DLGAP2: variants seen among roughly 807,000 people sequenced by gnomAD.
The protein encoded by DLGAP2 is DLG associated protein 2, also known as disks large-associated protein 2.
In DLGAP2, 26 loss-of-function variants were observed where a neutral mutation model predicts 100.3. The observed-to-expected ratio is 0.26, with a 90% CI of 0.19 to 0.36. The LOEUF (loss-of-function observed/expected upper bound fraction) is 0.36. Among genes scored for constraint, DLGAP2 ranks in the 10% least tolerant of loss-of-function variants. DLGAP2 has a pLI of 1.00. For synonymous variants in DLGAP2, 886 were observed against 630.1 expected, an observed-to-expected ratio of 1.41 and a Z score of -6.08; for missense variants, 1,858 against 1,453.2, an observed-to-expected ratio of 1.28 and a Z score of -4.53.
chr8:1,186,577 C>G (rs976539428), intron 2 of DLGAP2, among the ~76,000 whole-genome samples: 2 of 152,144 alleles, frequency 1.3e-5, no homozygotes, highest in Non-Finnish European at 2.9e-5. Flanking sequence ...CGGCCATTCC[C>G]TTTTTGTCAT....
intron 3 of DLGAP2, among the ~76,000 whole-genome samples, chr8:1,373,210 G>A (rs536239047): frequency 1.5e-4 from 23 of 152,288 alleles, no homozygotes; most frequent in African/African-American, 5.1e-4. Flanking sequence ...GAGTGACTGC[G>A]CAGCAAGACT....
At chr8:821,757 T>G (rs1796586894) in intron 1 of DLGAP2, among the ~76,000 whole-genome samples, 1 of 152,226 alleles carries the variant, frequency 6.6e-6, no homozygotes. Context: ...TAAAGTATGG[T>G]TTTATTATTT....
chr8:1,091,148 C>T (rs1804167160), intron 2 of DLGAP2, among the ~76,000 whole-genome samples: 1 of 152,156 alleles, frequency 6.6e-6, no homozygotes, highest in African/African-American at 2.4e-5. Context: ...CACAGCCCAC[C>T]CCGGTTCTCT....
In DLGAP2 at chr8:1,415,003, C is replaced by T. The variant is rs7844229; in HGVS notation, c.107-86363C>T. Among the ~76,000 whole-genome samples, 608 of 151,694 alleles carry T rather than the reference C, an allele frequency of 4.0e-3. 3 individuals are homozygous for T. The highest frequency in any genetic ancestry group is 0.014 in the African/African-American group (579 of 41,202). ...GAGCCTGGGCAACAGAGCAAGACTCCGTCTCAAAAGAAAAAAAAAGAAGAA... is the reference window on the plus strand; with the variant it reads ...GAGCCTGGGCAACAGAGCAAGACTCTGTCTCAAAAGAAAAAAAAAGAAGAA... On this transcript the variant is annotated intron_variant, in intron 3 of 14. Coordinates refer to ENST00000637795, the MANE Select transcript of DLGAP2 (RefSeq NM_001346810.2).
intron 2 of DLGAP2, among the ~76,000 whole-genome samples, chr8:975,763 G>C (rs1800146270): frequency 6.6e-6 from 1 of 152,214 alleles, no homozygotes; most frequent in Admixed American, 6.5e-5. Context: ...AAAAAACCCT[G>C]TAGCTAAACT....
chr8:1,334,766 G>A (rs1364349687), intron 3 of DLGAP2, among the ~76,000 whole-genome samples: 1 of 152,160 alleles, frequency 6.6e-6, no homozygotes, highest in Non-Finnish European at 1.5e-5. Context: ...CCACCGAGAA[G>A]CCATAATGTA....
chr8:1,066,391 T>C (rs1803252686), intron 2 of DLGAP2, among the ~76,000 whole-genome samples: 1 of 147,604 alleles, frequency 6.8e-6, no homozygotes, highest in Non-Finnish European at 1.5e-5. Flanking sequence ...CAGGATCAGG[T>C]CTGAGTGAGG....
At chr8:1,594,766 C>T (rs988039443) in intron 6 of DLGAP2, among the ~76,000 whole-genome samples, 5 of 152,262 alleles carry the variant, frequency 3.3e-5, no homozygotes, top group Admixed American at 2.6e-4. Flanking sequence ...TAGAGTTTAA[C>T]TGCCAAAAAT....
At chr8:1,250,853 C>A (rs983205597) in intron 2 of DLGAP2, among the ~76,000 whole-genome samples, 8 of 152,192 alleles carry the variant, frequency 5.3e-5, no homozygotes, top group African/African-American at 1.4e-4. Context: ...CAGTCAGGCG[C>A]CAGGTAACGA....
intron 2 of DLGAP2, among the ~76,000 whole-genome samples, chr8:1,171,596 C>T (rs12677443): frequency 1.3e-5 from 2 of 151,964 alleles, no homozygotes; most frequent in South Asian, 4.1e-4. Flanking sequence ...ATTTAGGATA[C>T]TTAGCTCTTC....
chr8:960,181 A>G (rs533512697), intron 2 of DLGAP2, among the ~76,000 whole-genome samples: 1 of 138,920 alleles, frequency 7.2e-6, no homozygotes, highest in Admixed American at 7.2e-5. Flanking sequence ...AGAAGTGCAT[A>G]TAGTCATCTT....
At chr8:912,906 G>A (rs1019813537) in intron 2 of DLGAP2, among the ~76,000 whole-genome samples, 2 of 152,202 alleles carry the variant, frequency 1.3e-5, no homozygotes, top group African/African-American at 4.8e-5. Context: ...GCACTGTGGT[G>A]CCCGCCTTCC....
In DLGAP2 at chr8:881,676, C is replaced by CACAG. The variant is rs1797799672; in HGVS notation, c.19-26233_19-26232insGACA. On this transcript the variant is annotated intron_variant, in intron 1 of 14. Coordinates refer to ENST00000637795, the MANE Select transcript of DLGAP2 (RefSeq NM_001346810.2). Reference sequence around the variant, plus strand: ...CACCACTTGTGGCTGAACACACACACACACACTTTTTTTTTTTTTTTTAGT... The same window carrying CACAG: ...CACCACTTGTGGCTGAACACACACACACAGACACACTTTTTTTTTTTTTTTTAGT... Among the ~76,000 whole-genome samples, 6 of 53,224 alleles carry CACAG rather than the reference C, an allele frequency of 1.1e-4. No individual in the cohort carries two copies. In the South Asian group the frequency reaches 3.0e-3, roughly 26 times the overall value. 34.9% of individuals were successfully genotyped at this position (53,224 alleles called of 152,430 possible). A position where few individuals can be genotyped will look rare whatever the true frequency, so the allele number is the denominator to read the frequency against.
intron 12 of DLGAP2, among the ~76,000 whole-genome samples, chr8:1,681,273 T>G (rs1384392754): frequency 3.9e-5 from 6 of 152,186 alleles, no homozygotes; most frequent in Admixed American, 3.9e-4. Context: ...TTTCCATGTT[T>G]AGTGCATACT....
chr8:1,695,820 G>A (rs1799383428), intron 13 of DLGAP2, among the ~76,000 whole-genome samples: 1 of 152,252 alleles, frequency 6.6e-6, no homozygotes, highest in Non-Finnish European at 1.5e-5. Context: ...ACTGACTTCG[G>A]TGCAGAACGT....
At chr8:1,577,322 A>G (rs1803022071) in intron 6 of DLGAP2, among the ~76,000 whole-genome samples, 1 of 152,186 alleles carries the variant, frequency 6.6e-6, no homozygotes, top group African/African-American at 2.4e-5. Context: ...TAATCCCAGC[A>G]CTTTGGGAGG....
chr8:898,237 C>G (rs1330037534), intron 1 of DLGAP2, among the ~76,000 whole-genome samples: 1 of 152,082 alleles, frequency 6.6e-6, no homozygotes, highest in African/African-American at 2.4e-5. Flanking sequence ...AAATGTTTAT[C>G]CCATGACTTA....
chr8:1,507,331 G>C (rs532670682), intron 4 of DLGAP2, among the ~76,000 whole-genome samples: 1 of 152,340 alleles, frequency 6.6e-6, no homozygotes, highest in African/African-American at 2.4e-5. Context: ...GGGGAGATTT[G>C]GCGTGCAGCG....
At chr8:1,370,285 C>T (rs945266266) in intron 3 of DLGAP2, among the ~76,000 whole-genome samples, 1 of 152,108 alleles carries the variant, frequency 6.6e-6, no homozygotes, top group African/African-American at 2.4e-5. Flanking sequence ...TCAGCAGTTC[C>T]CCGAAGGTCG....
Sources: allele counts gnomAD v4.1 joint callset (sites outside exome capture counted in the v4.1 genomes callset), GRCh38; gene constraint gnomAD v4.1.1; transcripts MANE v1.5; gene names NCBI Gene and HGNC (gene_info 2026-07-23, HGNC 2026-07-21).